The following IL1RAPL1 variants were observed in gnomAD, a reference collection of about 807,000 sequenced individuals.
IL1RAPL1 encodes interleukin-1 receptor accessory protein-like 1.
IL1RAPL1 carries 3 observed loss-of-function variants against 48.4 expected under a neutral mutation model. The observed-to-expected ratio is 0.06, with a 90% CI of 0.03 to 0.16. The LOEUF (loss-of-function observed/expected upper bound fraction) is 0.16. IL1RAPL1 is among the 10% of genes least tolerant of loss of function. The pLI, the probability that IL1RAPL1 is intolerant of heterozygous loss-of-function variation, is 1.00. For missense variants in IL1RAPL1, 349 were observed against 530.6 expected (o/e 0.66, Z 3.36); for synonymous variants, 185 against 187.7 (o/e 0.99, Z 0.12).
chrX:29,275,779 T>C (rs916413676), intron 2 of IL1RAPL1, among the ~76,000 whole-genome samples: 1 of 112,204 alleles, frequency 8.9e-6, no homozygotes, highest in African/African-American at 3.2e-5. Context: ...CAAGTCTCAG[T>C]AATCTTTGTC....
intron 1 of IL1RAPL1, among the ~76,000 whole-genome samples, chrX:28,782,821 A>G (rs1035949695): frequency 4.5e-5 from 5 of 111,942 alleles, no homozygotes; most frequent in African/African-American, 1.6e-4. Flanking sequence ...CCAATCATCC[A>G]TTCTGTAAAA....
At chrX:29,492,257 T>G (rs988164375) in intron 5 of IL1RAPL1, among the ~76,000 whole-genome samples, 22 of 112,487 alleles carry the variant, frequency 2.0e-4, no homozygotes, top group Non-Finnish European at 4.1e-4. Context: ...TTTTTATGCT[T>G]CGTGTATTTT....
At chrX:28,948,249 T>C (rs978350868) in intron 2 of IL1RAPL1, among the ~76,000 whole-genome samples, 1 of 111,898 alleles carries the variant, frequency 8.9e-6, no homozygotes, top group African/African-American at 3.2e-5. Context: ...TGAATTTACT[T>C]TCTTCATTTA....
intron 5 of IL1RAPL1, among the ~76,000 whole-genome samples, chrX:29,476,559 A>G (rs1314304675): frequency 9.0e-6 from 1 of 111,395 alleles, no homozygotes; most frequent in Non-Finnish European, 1.9e-5. Context: ...TAATCATTAG[A>G]TTAATGAACT....
intron 6 of IL1RAPL1, among the ~76,000 whole-genome samples, chrX:29,848,350 C>T (rs138144690): frequency 3.1e-3 from 338 of 110,278 alleles, no homozygotes; most frequent in African/African-American, 9.9e-3. Context: ...CCTAATCTTA[C>T]GTGGCTAAAG....
At chrX:29,831,474 G>T (rs1310284998) in intron 6 of IL1RAPL1, among the ~76,000 whole-genome samples, 1 of 111,724 alleles carries the variant, frequency 9.0e-6, no homozygotes, top group Non-Finnish European at 1.9e-5. Context: ...GGTTTGTTTG[G>T]AAAATCTCTC....
At chrX:29,239,906 T>C (rs1332938057) in intron 2 of IL1RAPL1, among the ~76,000 whole-genome samples, 1 of 109,381 alleles carries the variant, frequency 9.1e-6, no homozygotes. Flanking sequence ...GTCAGTAACA[T>C]TGCATTTTTC....
intron 2 of IL1RAPL1, among the ~76,000 whole-genome samples, chrX:29,207,739 A>G (rs1184564892): frequency 9.0e-6 from 1 of 111,611 alleles, no homozygotes; most frequent in Non-Finnish European, 1.9e-5. Flanking sequence ...TCTTATATAG[A>G]CTGAAAAATC....
At position 29,934,693 on chromosome X, in the gene IL1RAPL1, C is replaced by T. The variant is rs969243564; in HGVS notation, c.1058-6958C>T. ...GGTAAAAAGAGCTGCACTACATATA[C>T]ACACACACACACAACATATCATTGC... On this transcript the variant is annotated intron_variant, in intron 8 of 10. Coordinates refer to ENST00000378993, the MANE Select transcript of IL1RAPL1 (RefSeq NM_014271.4). Among the ~76,000 whole-genome samples, 5 of 110,358 alleles carry T rather than the reference C, an allele frequency of 4.5e-5. No individual in the cohort carries two copies. In the Admixed American group the frequency reaches 4.8e-4, roughly 11 times the overall value.
intron 5 of IL1RAPL1, among the ~76,000 whole-genome samples, chrX:29,582,368 T>A (rs1417434905): frequency 3.7e-5 from 4 of 106,846 alleles, no homozygotes; most frequent in East Asian, 2.8e-4. Flanking sequence ...TTTATTTTTT[T>A]ATTTTTTTAT....
At position 29,766,342 on chromosome X, in the gene IL1RAPL1, A is replaced by AATAT. The variant is rs1555918100; in HGVS notation, c.778+97856_778+97859dup. 1.1e-3 allele frequency among the ~76,000 whole-genome samples: 54 copies of AATAT among 47,503 alleles called. 1 individual carries two copies. The highest frequency in any genetic ancestry group is 2.0e-3 in the South Asian group (2 of 992). The allele number at this position is 47,503 out of a possible 115,157, so 41.3% of individuals were successfully genotyped here. A position where few individuals can be genotyped will look rare whatever the true frequency, so the allele number is the denominator to read the frequency against. On this transcript the variant is annotated intron_variant, in intron 6 of 10. Coordinates refer to ENST00000378993, the MANE Select transcript of IL1RAPL1 (RefSeq NM_014271.4). ...GACTCCGTCTCAAAAAAAAAAAAAAAATATATATATATATATATATAGATA... is the reference window on the plus strand; with the variant it reads ...GACTCCGTCTCAAAAAAAAAAAAAAAATATATATATATATATATATATATAGATA...
chrX:28,635,481 T>A (rs1934453669), intron 1 of IL1RAPL1, among the ~76,000 whole-genome samples: 1 of 111,978 alleles, frequency 8.9e-6, no homozygotes, highest in African/African-American at 3.2e-5. Flanking sequence ...TCGCTTTCAG[T>A]ACATGAGGTA....
intron 6 of IL1RAPL1, among the ~76,000 whole-genome samples, chrX:29,871,733 C>CT (rs776233069): frequency 0.01 from 1,125 of 110,480 alleles, 12 homozygotes; most frequent in African/African-American, 0.034. Context: ...TTTTTCTTTT[C>CT]TTTTTTTTGA....
At chrX:29,114,703 C>A (rs149895139) in intron 2 of IL1RAPL1, among the ~76,000 whole-genome samples, 6 of 110,797 alleles carry the variant, frequency 5.4e-5, no homozygotes, top group Non-Finnish European at 1.1e-4. Flanking sequence ...TCTCTGGGCT[C>A]ACTGCAACCT....
chrX:29,028,272 C>T (rs994262367), intron 2 of IL1RAPL1, among the ~76,000 whole-genome samples: 90 of 107,725 alleles, frequency 8.4e-4, no homozygotes, highest in Non-Finnish European at 1.5e-3. Flanking sequence ...CCATTTTACG[C>T]CCTACTGTTT....
Position 28,629,534 on chromosome X carries a change from C to G in IL1RAPL1, c.-25+41487C>G, listed in dbSNP as rs1934377064. 2.7e-5 allele frequency among the ~76,000 whole-genome samples: 3 copies of G among 112,044 alleles called. No individual in the cohort carries two copies. The South Asian group carries it at 1.1e-3, about 41-fold the overall frequency. ...TGTACCAAAATATAATACACACTTA[C>G]CTTGGGGACCAAACGGAAAGTGAAT... On this transcript the variant is annotated intron_variant, in intron 1 of 10. Transcript: ENST00000378993.
At chrX:29,491,308 T>C (rs1935157254) in intron 5 of IL1RAPL1, among the ~76,000 whole-genome samples, 1 of 112,415 alleles carries the variant, frequency 8.9e-6, no homozygotes, top group East Asian at 2.8e-4. Context: ...TAAAGCTATC[T>C]TGATAAAACT....
chrX:29,276,968 C>T (rs1932129721), intron 2 of IL1RAPL1, among the ~76,000 whole-genome samples: 1 of 112,169 alleles, frequency 8.9e-6, no homozygotes, highest in Non-Finnish European at 1.9e-5. Context: ...GTACACCACA[C>T]TTCAGTGATC....
intron 1 of IL1RAPL1, among the ~76,000 whole-genome samples, chrX:28,758,968 G>A (rs1206858387): frequency 4.5e-5 from 5 of 112,283 alleles, no homozygotes; most frequent in Non-Finnish European, 9.4e-5. Flanking sequence ...TGGGTGCAGC[G>A]GCTCACGCCT....
Sources: allele counts gnomAD v4.1 joint callset (sites outside exome capture counted in the v4.1 genomes callset), GRCh38; gene constraint gnomAD v4.1.1; transcripts MANE v1.5; gene names NCBI Gene and HGNC (gene_info 2026-07-23, HGNC 2026-07-21).